CYP20A1: variants seen among roughly 807,000 people sequenced by gnomAD.
CYP20A1 encodes the protein cytochrome P450 20A1.
A neutral mutation model predicts 61.4 loss-of-function variants in CYP20A1; 61 were observed. That is an observed-to-expected ratio of 0.99 (90% CI 0.81 to 1.23). The LOEUF (loss-of-function observed/expected upper bound fraction) is 1.23, where lower values mean the gene tolerates loss of function less well. Among genes scored for constraint, CYP20A1 ranks in the 50% most tolerant of loss-of-function variants. The pLI is 0.00. For synonymous variants in CYP20A1, 193 were observed against 188.2 expected, an observed-to-expected ratio of 1.03 and a Z score of -0.21; for missense variants, 530 against 542.4, an observed-to-expected ratio of 0.98 and a Z score of 0.23.
chr2:203,301,359 C>T lies in CYP20A1; in HGVS notation c.*4451C>T, dbSNP rs1393175741. Among the ~76,000 whole-genome samples, 7 of 151,610 alleles carry T rather than the reference C, an allele frequency of 4.6e-5. No individual in the cohort carries two copies. Among genetic ancestry groups the T allele is most frequent in the Non-Finnish European group, 1.0e-4 (7 of 67,916 alleles). ...GTAGCCTCCACCTCCTGGGCTCCAG[C>T]GATCTCACCTCAGCCTCTAGAATAG... On this transcript the variant is annotated 3_prime_UTR_variant, in exon 13 of 13. Coordinates refer to ENST00000356079, the MANE Select transcript of CYP20A1 (RefSeq NM_177538.3).
At chr2:203,279,569 T>C (rs544916561) in intron 7 of CYP20A1, among the ~76,000 whole-genome samples, 1 of 152,282 alleles carries the variant, frequency 6.6e-6, no homozygotes, top group African/African-American at 2.4e-5. Context: ...TCTGCCTCAC[T>C]ATACACATGC....
chr2:203,242,205 C>T (rs978995141), intron 1 of CYP20A1, among the ~76,000 whole-genome samples: 10 of 152,078 alleles, frequency 6.6e-5, no homozygotes, highest in African/African-American at 1.9e-4. Context: ...AGGCTGGTCT[C>T]GAACTTCTGG....
intron 6 of CYP20A1, among the ~76,000 whole-genome samples, chr2:203,276,919 C>T (rs1459737773): frequency 6.6e-6 from 1 of 152,090 alleles, no homozygotes; most frequent in Non-Finnish European, 1.5e-5. Context: ...CCCAAAACAG[C>T]CCTGTCCTTG....
intron 9 of CYP20A1, among the ~76,000 whole-genome samples, chr2:203,288,365 C>T: frequency 6.6e-6 from 1 of 151,522 alleles, no homozygotes. Flanking sequence ...CACGCCCAGC[C>T]CAGCCTGTGT....
chr2:203,278,620 AAAGG>A lies in CYP20A1; in HGVS notation c.734_737del (p.Arg245ThrfsTer11), dbSNP rs1472797095. Reference sequence around the variant, plus strand: ...TTTAAGGAACATCATAAAAGAACGAAAAGGAAGGAACTTCAGTCAACATATTTTC... The same window carrying A: ...TTTAAGGAACATCATAAAAGAACGAAAAGGAACTTCAGTCAACATATTTTC... On this transcript the variant is annotated frameshift_variant, in exon 7 of 13. Coordinates refer to ENST00000356079, the MANE Select transcript of CYP20A1 (RefSeq NM_177538.3). LOFTEE classifies it high-confidence loss of function. 2 of 1,608,398 alleles carry A rather than the reference AAAGG, an allele frequency of 1.2e-6. No homozygotes were observed. Among genetic ancestry groups the A allele is most frequent in the Non-Finnish European group, 1.7e-6 (2 of 1,177,604 alleles).
At chr2:203,284,444 C>A (rs2068179548) in intron 8 of CYP20A1, among the ~76,000 whole-genome samples, 1 of 151,974 alleles carries the variant, frequency 6.6e-6, no homozygotes, top group African/African-American at 2.4e-5. Flanking sequence ...ACTCTTTTTC[C>A]TCTGTTTTTT....
At chr2:203,287,083 G>A (rs1222827628) in intron 9 of CYP20A1, among the ~76,000 whole-genome samples, 1 of 151,438 alleles carries the variant, frequency 6.6e-6, no homozygotes, top group South Asian at 2.1e-4. Flanking sequence ...GCCAGGGATG[G>A]TGGTGCATGG....
chr2:203,276,736 C>G (rs962453787), intron 6 of CYP20A1, among the ~76,000 whole-genome samples: 1 of 152,088 alleles, frequency 6.6e-6, no homozygotes, highest in African/African-American at 2.4e-5. Flanking sequence ...TTCAGACAAC[C>G]AAGTGCAGAG....
intron 2 of CYP20A1, among the ~76,000 whole-genome samples, chr2:203,246,326 A>G (rs1436914610): frequency 6.6e-6 from 1 of 152,192 alleles, no homozygotes; most frequent in East Asian, 1.9e-4. Flanking sequence ...AAATCAAAAC[A>G]TTTCATTGCT....
intron 8 of CYP20A1, among the ~76,000 whole-genome samples, chr2:203,284,035 C>G (rs1368287712): frequency 6.6e-6 from 1 of 152,068 alleles, no homozygotes; most frequent in African/African-American, 2.4e-5. Flanking sequence ...CACTCAGAAG[C>G]CATAATGAAG....
At chr2:203,281,921 A>T (rs2152096809) in intron 8 of CYP20A1, among the ~76,000 whole-genome samples, 2 of 152,342 alleles carry the variant, frequency 1.3e-5, no homozygotes, top group Middle Eastern at 3.4e-3. Context: ...CTTTAAAAGG[A>T]TACAAATGTA....
At chr2:203,288,455 CAT>C (rs2068393225) in intron 9 of CYP20A1, among the ~76,000 whole-genome samples, 1 of 152,064 alleles carries the variant, frequency 6.6e-6, no homozygotes. Context: ...TCCTTTATAA[CAT>C]GTGCTATACT....
chr2:203,301,877 A>G lies in CYP20A1; in HGVS notation c.*4969A>G, dbSNP rs2069035288. Among the ~76,000 whole-genome samples, 1 of 150,172 alleles carries G rather than the reference A, an allele frequency of 6.7e-6. No homozygotes were observed. Among genetic ancestry groups the G allele is most frequent in the African/African-American group, 2.4e-5 (1 of 40,850 alleles). Reference sequence around the variant, plus strand: ...AAAATGTCAAACTCAGTTAACAGTCATAGTTTCACTATTTGAAGTTAACCA... The same window carrying G: ...AAAATGTCAAACTCAGTTAACAGTCGTAGTTTCACTATTTGAAGTTAACCA... On this transcript the variant is annotated 3_prime_UTR_variant, in exon 13 of 13. Coordinates refer to ENST00000356079, the MANE Select transcript of CYP20A1 (RefSeq NM_177538.3).
intron 10 of CYP20A1, among the ~76,000 whole-genome samples, chr2:203,290,835 G>T (rs2068501749): frequency 6.6e-6 from 1 of 152,018 alleles, no homozygotes; most frequent in African/African-American, 2.4e-5. Flanking sequence ...TAGAGATGGG[G>T]TTTCACCATG....
rs777729981 is a variant in CYP20A1, at chr2:203,296,936, A to AGGCAGAGGTTGC, written c.*28_*29insGGCAGAGGTTGC. The AGGCAGAGGTTGC allele has an allele frequency of 3.0e-6, 4 of 1,339,384 alleles. No individual in the cohort carries two copies. Among genetic ancestry groups the AGGCAGAGGTTGC allele is most frequent in the South Asian group, 2.7e-5 (2 of 72,940 alleles). 83.0% of individuals were successfully genotyped at this position (1,339,384 alleles called of 1,614,324 possible). ...TTTTATACATTTAAAATCATTGTTA[A>AGGCAGAGGTTGC]ATTGATTGAGGAAAACAACCATTTA... On this transcript the variant is annotated 3_prime_UTR_variant, in exon 13 of 13. Coordinates refer to ENST00000356079, the MANE Select transcript of CYP20A1 (RefSeq NM_177538.3).
At chr2:203,296,731 T>A (rs2068814728) in intron 12 of CYP20A1, 27 bp from the exon 13 acceptor site, 1 of 1,567,236 alleles carries the variant, frequency 6.4e-7, no homozygotes, top group African/African-American at 1.4e-5. Flanking sequence ...TAATCTTTAG[T>A]AACTAATTGA....
chr2:203,252,208 C>A, intron 4 of CYP20A1, 99 bp downstream of exon 4: 2 of 900,416 alleles, frequency 2.2e-6, no homozygotes, highest in Non-Finnish European at 3.1e-6. Flanking sequence ...TCTTTTCTTT[C>A]CTGTCCCTCT....
intron 3 of CYP20A1, among the ~76,000 whole-genome samples, chr2:203,249,793 C>T (rs1278211838): frequency 6.6e-5 from 10 of 151,926 alleles, no homozygotes; most frequent in Admixed American, 2.0e-4. Flanking sequence ...TGTGGTAAGC[C>T]GAGATCAAGC....
rs1329390911 is a variant in CYP20A1, at chr2:203,246,757, A to T, written c.125A>T (p.Asp42Val). 1 of 1,608,398 alleles carries T rather than the reference A, an allele frequency of 6.2e-7. No homozygotes were observed. The highest frequency in any genetic ancestry group is 2.2e-5 in the East Asian group (1 of 44,850). The change falls in exon 3 of 13, where the codon GAT becomes GTT. Residue 42 changes from aspartate to valine, a missense_variant and splice_region_variant. Transcript: ENST00000356079. ...GTCAAATGTTGCTCTTTTGCCAGAG[A>T]TGGTAATCTTCCAGATATTGTGAAT... Reference protein sequence around the residue: ...IPGITPTEEKDGNLPDIVNSG... With the variant: ...IPGITPTEEKVGNLPDIVNSG...
Sources: allele counts gnomAD v4.1 joint callset (sites outside exome capture counted in the v4.1 genomes callset), GRCh38; gene constraint gnomAD v4.1.1; transcripts MANE v1.5; gene names NCBI Gene and HGNC (gene_info 2026-07-23, HGNC 2026-07-21).